Variants in COPS5 observed in about 807,000 individuals in gnomAD.
COPS5 encodes the protein COP9 signalosome subunit 5, also known as COP9 signalosome complex subunit 5.
Under a neutral mutation model 44.4 loss-of-function variants are expected in COPS5, and 8 were observed. The ratio of observed to expected loss-of-function variants is 0.18; its 90% CI spans 0.11 to 0.32. The LOEUF (loss-of-function observed/expected upper bound fraction) is 0.32. Among genes scored for constraint, COPS5 ranks in the 10% least tolerant of loss-of-function variants. The pLI, the probability that COPS5 is intolerant of heterozygous loss-of-function variation, is 1.00. For synonymous variants in COPS5, 122 were observed against 142.8 expected, an observed-to-expected ratio of 0.85 and a Z score of 1.04; for missense variants, 159 against 406.4, an observed-to-expected ratio of 0.39 and a Z score of 5.23.
rs576207116 is a variant in COPS5 at position 67,054,162 on chromosome 8, T to C, written c.659+2357A>G. On this transcript the variant is annotated intron_variant, in intron 5 of 7. Transcript: ENST00000357849. ...TTGCCAAAAGAAAGTTATTTAAGGATTGGTACGCAACACGATCTTAAAAAA... is the reference window on the plus strand; with the variant it reads ...TTGCCAAAAGAAAGTTATTTAAGGACTGGTACGCAACACGATCTTAAAAAA... 9.6e-4 allele frequency among the ~76,000 whole-genome samples: 146 copies of C among 152,076 alleles called. 1 individual carries two copies. Among genetic ancestry groups the C allele is most frequent in the African/African-American group, 3.3e-3 (138 of 41,476 alleles).
intron 6 of COPS5, among the ~76,000 whole-genome samples, chr8:67,047,015 T>C (rs910839191): frequency 2.0e-5 from 3 of 152,120 alleles, no homozygotes; most frequent in East Asian, 1.9e-4. Context: ...TGAGAAACTA[T>C]AATATTACAT....
chr8:67,057,724 A>G (rs1431182408), intron 3 of COPS5, among the ~76,000 whole-genome samples: 4 of 152,200 alleles, frequency 2.6e-5, no homozygotes, highest in Admixed American at 1.3e-4. Context: ...AGAGGTGAAT[A>G]ACTCCTACCT....
chr8:67,056,117 T>C (rs1472572702), intron 5 of COPS5, among the ~76,000 whole-genome samples: 1 of 152,136 alleles, frequency 6.6e-6, no homozygotes, highest in Non-Finnish European at 1.5e-5. Flanking sequence ...GTTTAGGTTG[T>C]TTAAAAGGCA....
At chr8:67,054,580 A>C (rs1249012688) in intron 5 of COPS5, among the ~76,000 whole-genome samples, 1 of 152,220 alleles carries the variant, frequency 6.6e-6, no homozygotes, top group African/African-American at 2.4e-5. Context: ...AAAAGGAAGA[A>C]AAGAGAATTG....
chr8:67,060,175 T>G (rs1295051215), intron 1 of COPS5: 1 of 234,508 alleles, frequency 4.3e-6, no homozygotes, highest in African/African-American at 2.3e-5. Flanking sequence ...TATTTCAGAG[T>G]TGGTCATCAG....
At chr8:67,060,386 A>C in intron 1 of COPS5, 1 of 1,255,042 alleles carries the variant, frequency 8.0e-7, no homozygotes, top group Middle Eastern at 2.2e-4. Flanking sequence ...CTTACAGAGC[A>C]GTCAGTCAAC....
chr8:67,045,770 A>G, intron 7 of COPS5, 42 bp downstream of exon 7: 1 of 1,607,158 alleles, frequency 6.2e-7, no homozygotes, highest in Non-Finnish European at 8.5e-7. Context: ...TTTGAAAGAA[A>G]AAGAGTTAGG....
chr8:67,059,026 C>A (rs1299762094), intron 2 of COPS5, among the ~76,000 whole-genome samples, 185 bp downstream of exon 2: 1 of 149,340 alleles, frequency 6.7e-6, no homozygotes. Context: ...ACAACAACAA[C>A]AAAAAACAAA....
At chr8:67,053,200 C>A (rs538666884) in intron 5 of COPS5, among the ~76,000 whole-genome samples, 2 of 152,036 alleles carry the variant, frequency 1.3e-5, no homozygotes, top group South Asian at 4.2e-4. Context: ...AGTGATCGTT[C>A]TGCCATAGCC....
intron 6 of COPS5, among the ~76,000 whole-genome samples, chr8:67,050,093 C>T (rs953435185): frequency 6.6e-6 from 1 of 151,924 alleles, no homozygotes; most frequent in Non-Finnish European, 1.5e-5. Flanking sequence ...CTCTGCCCCC[C>T]GGGGCTCATG....
At chr8:67,061,316 C>T (rs1321814777) in intron 1 of COPS5, 11 of 418,364 alleles carry the variant, frequency 2.6e-5, no homozygotes, top group Non-Finnish European at 4.6e-5. Context: ...CTATTATAGG[C>T]CCAGGCCTCA....
chr8:67,047,614 A>G lies in COPS5; in HGVS notation c.772-1654T>C, dbSNP rs1816717140. On this transcript the variant is annotated intron_variant, in intron 6 of 7. Coordinates refer to ENST00000357849, the MANE Select transcript of COPS5 (RefSeq NM_006837.3). ...GGGGGAAGAGAGAAGTTGAACATAT[A>G]TCTACATATTTGTTCTTAAAATGCT... The G allele has an allele frequency of 1.5e-5, 7 of 458,422 alleles. No individual in the cohort carries two copies. In the East Asian group the frequency reaches 1.8e-4, roughly 12 times the overall value. 28.4% of individuals were successfully genotyped at this position (458,422 alleles called of 1,614,324 possible). A position where few individuals can be genotyped will look rare whatever the true frequency, so the allele number is the denominator to read the frequency against.
intron 3 of COPS5, 42 bp from the exon 4 acceptor site, chr8:67,057,487 T>C (rs1804530783): frequency 7.5e-7 from 1 of 1,329,168 alleles, no homozygotes; most frequent in African/African-American, 1.5e-5. Context: ...TATAAAACTG[T>C]ATGCCTTTTA....
At chr8:67,055,051 G>C (rs1484786506) in intron 5 of COPS5, among the ~76,000 whole-genome samples, 2 of 152,198 alleles carry the variant, frequency 1.3e-5, no homozygotes, top group Non-Finnish European at 2.9e-5. Context: ...GATACTCAAT[G>C]CTTAAAGCAG....
At chr8:67,046,837 A>C (rs902859236) in intron 6 of COPS5, among the ~76,000 whole-genome samples, 32 of 150,852 alleles carry the variant, frequency 2.1e-4, no homozygotes, top group Admixed American at 7.9e-4. Context: ...AAAAAAAAAA[A>C]AAAAAAAAAA....
chr8:67,059,185 T>C, intron 2 of COPS5, 26 bp downstream of exon 2: 13 of 1,571,166 alleles, frequency 8.3e-6, no homozygotes, highest in Non-Finnish European at 1.1e-5. Flanking sequence ...TTGCAATTAC[T>C]AAACTATAAG....
intron 3 of COPS5, 64 bp from the exon 4 acceptor site, chr8:67,057,509 T>C: frequency 2.6e-6 from 3 of 1,156,860 alleles, no homozygotes; most frequent in Non-Finnish European, 3.8e-6. Context: ...TTAAACATTA[T>C]AAACCTAGAA....
intron 4 of COPS5, among the ~76,000 whole-genome samples, chr8:67,057,084 AG>A: frequency 6.6e-6 from 1 of 152,372 alleles, no homozygotes; most frequent in South Asian, 2.1e-4. Flanking sequence ...ACCCTTTGCT[AG>A]GGACAGCTTG....
At chr8:67,053,745 G>A (rs1412548882) in intron 5 of COPS5, among the ~76,000 whole-genome samples, 2 of 150,126 alleles carry the variant, frequency 1.3e-5, no homozygotes, top group South Asian at 2.1e-4. Flanking sequence ...GGTGGCTCAC[G>A]CCTGTAATCC....
Sources: allele counts gnomAD v4.1 joint callset (sites outside exome capture counted in the v4.1 genomes callset), GRCh38; gene constraint gnomAD v4.1.1; transcripts MANE v1.5; gene names NCBI Gene and HGNC (gene_info 2026-07-23, HGNC 2026-07-21).